Variants in DUX4 observed in about 807,000 individuals in gnomAD.
DUX4 encodes the protein double homeobox 4.
At chr4:190,177,451 A>ACGCAGTGTAGACAAGCGT (rs1742368276), downstream of DUX4, among the ~76,000 whole-genome samples, 3 of 150,786 alleles carry the variant, frequency 2.0e-5, no homozygotes, top group Admixed American at 6.6e-5. Context: ...CAGTGCAAAG[A>ACGCAGTGTAGACAAGCGT]TATGTCACAA....
chr4:190,181,496 C>T (rs1742574306), intron 1 of DUX4, among the ~76,000 whole-genome samples: 348 of 45,614 alleles, frequency 7.6e-3, no homozygotes, highest in South Asian at 0.015. Flanking sequence ...TCACAAGGCC[C>T]CCTATAGGCA....
chr4:190,177,163 A>ATCTGTGCAGAGG (rs1742346232), downstream of DUX4, among the ~76,000 whole-genome samples: 1 of 113,764 alleles, frequency 8.8e-6, no homozygotes, highest in Non-Finnish European at 2.0e-5. Context: ...CATCACCTAG[A>ATCTGTGCAGAGG]TGATCTGTGC....
chr4:190,177,546 A>AAGAGTCCATCACCT (rs1742374324), downstream of DUX4, among the ~76,000 whole-genome samples: 1 of 150,088 alleles, frequency 6.7e-6, no homozygotes, highest in Non-Finnish European at 1.5e-5. Flanking sequence ...CTTTAGGCAC[A>AAGAGTCCATCACCT]GCTTAGACAA....
chr4:190,181,634 C>CATAAGCAGAGTCTAGACAAG (rs1742587517), intron 1 of DUX4, among the ~76,000 whole-genome samples: 1 of 8,428 alleles, frequency 1.2e-4, no homozygotes, highest in Non-Finnish European at 2.1e-4. Flanking sequence ...AGAAAGCCCC[C>CATAAGCAGAGTCTAGACAAG]TGTAGGCAGA....
chr4:190,175,902 A>G (rs1742282622), downstream of DUX4: 3 of 128,346 alleles, frequency 2.3e-5, 1 homozygote, highest in African/African-American at 2.6e-5. Flanking sequence ...TCCCCTGTAG[A>G]AAAAGCCTGA....
downstream of DUX4, chr4:190,175,976 C>G (rs1742285784): frequency 1.8e-5 from 2 of 109,548 alleles, 1 homozygote; most frequent in Middle Eastern, 7.6e-3. Context: ...GTAGACTGAA[C>G]CTAGAGAATG....
At chr4:190,176,902 GAT>G (rs1327756408), downstream of DUX4, among the ~76,000 whole-genome samples, 2 of 128,810 alleles carry the variant, frequency 1.6e-5, 1 homozygote, top group Non-Finnish European at 3.5e-5. Context: ...TCAGTGCAGT[GAT>G]ATGTCACAAA....
chr4:190,183,684 C>T lies in DUX4; in HGVS notation n.93-1657C>T. 1.8e-5 allele frequency among the ~76,000 whole-genome samples: 2 copies of T among 111,988 alleles called. 1 individual carries two copies. The highest frequency in any genetic ancestry group is 4.2e-5 in the Non-Finnish European group (2 of 47,640). The allele number at this position is 111,988 out of a possible 152,430, so 73.5% of individuals were successfully genotyped here. On this transcript the variant is annotated intron_variant and non_coding_transcript_variant, in intron 1 of 2. Coordinates refer to the DUX4 transcript ENST00000563716. ...GAACCAATGGAAACATCCTACGTTC[C>T]AAAAGCCTACTCAAGCCATTTGTTC...
chr4:190,180,010 T>TG (rs1742525168), downstream of DUX4, among the ~76,000 whole-genome samples: 6 of 90,358 alleles, frequency 6.6e-5, no homozygotes, highest in African/African-American at 2.5e-4. Context: ...GAGCTTAAAC[T>TG]AGAGTTACAT....
At chr4:190,179,802 CA>C (rs1742514201), downstream of DUX4, among the ~76,000 whole-genome samples, 22 of 13,072 alleles carry the variant, frequency 1.7e-3, no homozygotes, top group African/African-American at 8.5e-3. Context: ...GGCAAGCCTA[CA>C]CAAGTATTAC....
downstream of DUX4, among the ~76,000 whole-genome samples, chr4:190,179,522 G>GT: frequency 3.4e-5 from 1 of 29,032 alleles, no homozygotes; most frequent in Non-Finnish European, 7.1e-5. Context: ...CCCCCTGTAG[G>GT]CAGAGCCTAG....
intron 1 of DUX4, among the ~76,000 whole-genome samples, chr4:190,181,649 A>G: frequency 7.0e-6 from 1 of 143,396 alleles, no homozygotes; most frequent in African/African-American, 2.5e-5. Flanking sequence ...GGCAGAGCCT[A>G]GACAAGAGTC....
At chr4:190,181,227 A>G (rs1742553299) in intron 1 of DUX4, among the ~76,000 whole-genome samples, 3,313 of 135,080 alleles carry the variant, frequency 0.025, 2 homozygotes, top group East Asian at 0.035. Context: ...CATTGCCCCC[A>G]TAGGCAAATC....
At chr4:190,178,622 C>CCAAAATCTCT (rs1742437565), downstream of DUX4, among the ~76,000 whole-genome samples, 2 of 78,520 alleles carry the variant, frequency 2.5e-5, no homozygotes, top group Admixed American at 1.2e-4. Context: ...AGAGATTTGT[C>CCAAAATCTCT]GAAATTCCCT....
intron 1 of DUX4, among the ~76,000 whole-genome samples, chr4:190,181,287 T>TTCCCCCAGGAGGCAGA (rs1742561440): frequency 9.5e-6 from 1 of 105,032 alleles, no homozygotes; most frequent in Non-Finnish European, 2.0e-5. Context: ...TATGTGACAA[T>TTCCCCCAGGAGGCAGA]GCCGCCAGTA....
At chr4:190,179,002 C>T (rs1742470421), downstream of DUX4, among the ~76,000 whole-genome samples, 85 of 120,980 alleles carry the variant, frequency 7.0e-4, no homozygotes, top group South Asian at 1.0e-3. Flanking sequence ...AGCCCCATCA[C>T]CTGGATGATT....
intron 1 of DUX4, among the ~76,000 whole-genome samples, chr4:190,181,289 C>G (rs1579837121): frequency 4.3e-3 from 337 of 77,650 alleles, no homozygotes; most frequent in Non-Finnish European, 5.3e-3. Context: ...TGTGACAATG[C>G]CGCCAGTAGG....
downstream of DUX4, among the ~76,000 whole-genome samples, chr4:190,179,073 GGGT>G (rs1742477028): frequency 7.0e-6 from 1 of 142,678 alleles, no homozygotes; most frequent in Non-Finnish European, 1.6e-5. Context: ...CCCATTACTT[GGGT>G]GATCAGTGCA....
At chr4:190,177,697 A>T (rs1742381115), downstream of DUX4, among the ~76,000 whole-genome samples, 8 of 150,540 alleles carry the variant, frequency 5.3e-5, no homozygotes, top group African/African-American at 4.9e-5. Context: ...GACAAGAGTT[A>T]CATCACCTGC....
Sources: gnomAD v4.1 joint callset for allele counts (sites outside exome capture counted in the v4.1 genomes callset) on GRCh38, gnomAD v4.1.1 for gene constraint, MANE v1.5 for transcripts, NCBI Gene and HGNC (gene_info 2026-07-23, HGNC 2026-07-21) for gene names.